NCAM2: variants seen among roughly 807,000 people sequenced by gnomAD.
NCAM2 encodes N-CAM-2.
NCAM2 carries 30 observed loss-of-function variants against 98.1 expected under a neutral mutation model. The observed-to-expected ratio is 0.31, with a 90% confidence interval of 0.23 to 0.41. The LOEUF (loss-of-function observed/expected upper bound fraction) is 0.41. NCAM2 is among the 10% of genes least tolerant of loss of function. NCAM2 has a pLI of 1.00. For synonymous variants in NCAM2, 368 were observed against 342.4 expected (o/e 1.07, Z -0.83); for missense variants, 867 against 1,005.8 (o/e 0.86, Z 1.87).
chr21:21,400,880 G>A (rs2076614143), intron 9 of NCAM2, among the ~76,000 whole-genome samples: 1 of 152,054 alleles, frequency 6.6e-6, no homozygotes, highest in South Asian at 2.1e-4. Flanking sequence ...ATGGACTAGT[G>A]CTACTTTATG....
At chr21:21,445,414 T>C (rs1858820000) in intron 12 of NCAM2, among the ~76,000 whole-genome samples, 1 of 152,156 alleles carries the variant, frequency 6.6e-6, no homozygotes, top group African/African-American at 2.4e-5. Flanking sequence ...TGTTGATTTG[T>C]CTAATATTGT....
chr21:21,301,009 C>T (rs553331012), intron 5 of NCAM2, among the ~76,000 whole-genome samples: 1 of 152,064 alleles, frequency 6.6e-6, no homozygotes, highest in Admixed American at 6.6e-5. Flanking sequence ...AAAATAATCA[C>T]CACGGATAGT....
intron 1 of NCAM2, among the ~76,000 whole-genome samples, chr21:21,024,102 A>G (rs953605640): frequency 1.3e-5 from 2 of 152,220 alleles, no homozygotes; most frequent in African/African-American, 2.4e-5. Context: ...AGAATATGTG[A>G]TATTCCATAT....
At chr21:21,105,866 A>G (rs9976725) in intron 1 of NCAM2, among the ~76,000 whole-genome samples, 1,901 of 152,214 alleles carry the variant, frequency 0.012, 32 homozygotes, top group African/African-American at 0.042. Context: ...TCATTGTAAG[A>G]CCATTTATAA....
At chr21:21,067,891 G>T (rs1489669041) in intron 1 of NCAM2, among the ~76,000 whole-genome samples, 1 of 152,016 alleles carries the variant, frequency 6.6e-6, no homozygotes, top group East Asian at 1.9e-4. Flanking sequence ...AATAGAGATG[G>T]ATGATGTATA....
intron 11 of NCAM2, among the ~76,000 whole-genome samples, chr21:21,424,865 C>G (rs12627449): frequency 6.6e-6 from 1 of 151,592 alleles, no homozygotes; most frequent in East Asian, 1.9e-4. Flanking sequence ...AACCCCATCT[C>G]TACTAGAAAT....
intron 1 of NCAM2, among the ~76,000 whole-genome samples, chr21:21,077,333 T>C (rs1159598756): frequency 6.6e-6 from 1 of 152,200 alleles, no homozygotes; most frequent in Non-Finnish European, 1.5e-5. Flanking sequence ...TGCCTTCTAT[T>C]ATAACTTCAT....
intron 1 of NCAM2, among the ~76,000 whole-genome samples, chr21:21,252,577 A>G (rs2071514695): frequency 6.6e-6 from 1 of 152,120 alleles, no homozygotes; most frequent in South Asian, 2.1e-4. Flanking sequence ...AACAAGAGTG[A>G]CATATGTAGA....
chr21:21,374,071 G>A, intron 9 of NCAM2, 58 bp downstream of exon 9: 1 of 1,532,688 alleles, frequency 6.5e-7, no homozygotes, highest in Middle Eastern at 1.8e-4. Context: ...TGAAACATAT[G>A]ATTTTTCAAT....
intron 1 of NCAM2, among the ~76,000 whole-genome samples, chr21:21,166,498 G>A (rs977296283): frequency 2.9e-5 from 4 of 139,210 alleles, no homozygotes; most frequent in East Asian, 1.9e-4. Flanking sequence ...GAGCCACCGC[G>A]CCTGGCCTGG....
At chr21:21,505,338 G>C (rs1987916504) in intron 15 of NCAM2, among the ~76,000 whole-genome samples, 1 of 152,030 alleles carries the variant, frequency 6.6e-6, no homozygotes, top group Non-Finnish European at 1.5e-5. Context: ...GAAGGAAGCT[G>C]TCTGCAAAGC....
intron 5 of NCAM2, among the ~76,000 whole-genome samples, chr21:21,299,884 C>T (rs2147634737): frequency 6.6e-6 from 1 of 151,892 alleles, no homozygotes; most frequent in South Asian, 2.1e-4. Context: ...TGCTCAAGTC[C>T]CTTTATGTAA....
At chr21:21,269,602 T>G (rs969623260) in intron 1 of NCAM2, among the ~76,000 whole-genome samples, 1 of 152,220 alleles carries the variant, frequency 6.6e-6, no homozygotes, top group African/African-American at 2.4e-5. Context: ...TATTTTGGAA[T>G]GTGTAATATA....
chr21:21,304,390 C>T (rs1180329951), intron 5 of NCAM2, among the ~76,000 whole-genome samples: 2 of 151,816 alleles, frequency 1.3e-5, no homozygotes, highest in East Asian at 1.9e-4. Flanking sequence ...CGTACTTTAG[C>T]AACAGAATTG....
intron 8 of NCAM2, among the ~76,000 whole-genome samples, chr21:21,340,130 G>A (rs2074984348): frequency 6.6e-6 from 1 of 151,656 alleles, no homozygotes; most frequent in Non-Finnish European, 1.5e-5. Context: ...GATTGTTTTT[G>A]TTTCAATTTT....
intron 1 of NCAM2, among the ~76,000 whole-genome samples, chr21:21,278,872 A>G (rs2072826952): frequency 6.6e-6 from 1 of 152,028 alleles, no homozygotes; most frequent in South Asian, 2.1e-4. Context: ...AATACTTTCA[A>G]TGTAGTTGTG....
chr21:21,134,014 G>C lies in NCAM2; in HGVS notation c.55+135396G>C, dbSNP rs186086432. Among the ~76,000 whole-genome samples the C allele has an allele frequency of 4.6e-5, 7 of 150,890 alleles. No homozygotes were observed. The East Asian group carries it at 1.4e-3, about 30-fold the overall frequency. On this transcript the variant is annotated intron_variant, in intron 1 of 17. Transcript: ENST00000400546. The stretch of plus-strand genomic sequence containing the variant: ...TCTGGTTCCTTTGAATTTCTCCCTA[G>C]CCCTGGTCTCTGTGGCCCTTATCTT...
At chr21:21,270,117 T>TA (rs1192528097) in intron 1 of NCAM2, among the ~76,000 whole-genome samples, 4 of 152,148 alleles carry the variant, frequency 2.6e-5, no homozygotes, top group Non-Finnish European at 4.4e-5. Flanking sequence ...TTAGTGGTGA[T>TA]AAAAAAATCT....
At chr21:21,238,999 T>G (rs2070956121) in intron 1 of NCAM2, among the ~76,000 whole-genome samples, 1 of 152,160 alleles carries the variant, frequency 6.6e-6, no homozygotes, top group African/African-American at 2.4e-5. Context: ...GATTCCCAAT[T>G]TCCTTCAGAT....
Sources: allele counts gnomAD v4.1 joint callset (sites outside exome capture counted in the v4.1 genomes callset), GRCh38; gene constraint gnomAD v4.1.1; transcripts MANE v1.5; gene names NCBI Gene and HGNC (gene_info 2026-07-23, HGNC 2026-07-21).